Variants in ZNF217 observed in about 807,000 individuals in gnomAD.
ZNF217 encodes the protein zinc finger protein 217.
A neutral mutation model predicts 73.3 loss-of-function variants in ZNF217; 12 were observed. The ratio of observed to expected loss-of-function variants is 0.16; its 90% CI spans 0.10 to 0.27. The LOEUF (loss-of-function observed/expected upper bound fraction) is 0.27. Among genes scored for constraint, ZNF217 ranks in the 10% least tolerant of loss-of-function variants. The probability of loss-of-function intolerance (pLI) is 1.00; values close to 1 mark genes in which losing one functional copy is unlikely to be tolerated. For synonymous variants in ZNF217, 588 were observed against 516.4 expected, an observed-to-expected ratio of 1.14 and a Z score of -1.88; for missense variants, 1,195 against 1,327.8, an observed-to-expected ratio of 0.90 and a Z score of 1.55.
rs777683701 is a variant in ZNF217 at position 53,576,992 on chromosome 20, A to G, written c.1772T>C (p.Val591Ala). 16 of 1,614,088 alleles carry G rather than the reference A, an allele frequency of 9.9e-6. No individual in the cohort carries two copies. The highest frequency in any genetic ancestry group is 1.1e-5 in the South Asian group (1 of 91,078). Reference sequence around the variant, plus strand: ...AGTATCTTTGTGTGCTGGTGAGAGGACAGCGCTGCCCAGAACATTCTGAAA... The same window carrying G: ...AGTATCTTTGTGTGCTGGTGAGAGGGCAGCGCTGCCCAGAACATTCTGAAA... ...SVFQNVLGSA[V>A]LSPAHKDTQD... Residue 591 changes from valine (V) to alanine (A), a missense_variant, in exon 4 of 6, where the codon GTC becomes GCC. Around this residue, in one of 9 missense-constraint regions of ZNF217, gnomAD observed 649 missense variants for 642.8 expected, o/e 1.01. Transcript: ENST00000371471.
intron 1 of ZNF217, among the ~76,000 whole-genome samples, chr20:53,592,223 C>T (rs1341233830): frequency 6.6e-6 from 1 of 152,174 alleles, no homozygotes; most frequent in African/African-American, 2.4e-5. Flanking sequence ...CCAAACTGGC[C>T]AGTGGACCAC....
chr20:53,581,912 T>C lies in ZNF217; in HGVS notation c.915A>G (p.Gly305=). The C allele has an allele frequency of 1.2e-6, 2 of 1,614,226 alleles. No individual in the cohort carries two copies. The highest frequency in any genetic ancestry group is 2.2e-5 in the South Asian group (2 of 91,078). ...TFQAWQLATK[G]KVAICQEVKE... is the part of the protein sequence containing the mutation. The stretch of plus-strand genomic sequence containing the variant: ...TCACTTCTTGGCAAATGGCAACTTT[T>C]CCTTTGGTAGCCAGCTGCCAAGCCT... Residue 305 remains glycine, a synonymous_variant, in exon 2 of 6, where the codon GGA becomes GGG. Coordinates refer to ENST00000371471, the MANE Select transcript of ZNF217 (RefSeq NM_006526.3). This position sits in a 1 kb window ranked among gnomAD's most constrained non-coding sequence, Gnocchi z 4.9.
At chr20:53,588,221 A>C (rs1190423242) in intron 1 of ZNF217, among the ~76,000 whole-genome samples, 1 of 152,138 alleles carries the variant, frequency 6.6e-6, no homozygotes, top group East Asian at 1.9e-4. Context: ...ATTCATCTTA[A>C]ATCAGTTAAG....
chr20:53,583,184 CA>C lies in ZNF217; in HGVS notation c.-342-17del. ...TTTCCAAACCCTAGAGGAAAAAAAA[CA>C]GAAACGGTTAGCTACACTCAGAGCG... On this transcript the variant is annotated splice_polypyrimidine_tract_variant and intron_variant, in intron 1 of 5. Coordinates refer to ENST00000371471, the MANE Select transcript of ZNF217 (RefSeq NM_006526.3). 2 of 410,220 alleles carry C rather than the reference CA, an allele frequency of 4.9e-6. No individual in the cohort carries two copies. Among genetic ancestry groups the C allele is most frequent in the South Asian group, 1.0e-4 (1 of 10,026 alleles). 25.4% of individuals were successfully genotyped at this position (410,220 alleles called of 1,614,324 possible).
intron 5 of ZNF217, among the ~76,000 whole-genome samples, chr20:53,569,969 G>C (rs1987921404): frequency 1.3e-5 from 2 of 152,060 alleles, no homozygotes; most frequent in Non-Finnish European, 2.9e-5. Context: ...ATGTGAGCTG[G>C]TCCAGAGGAT....
chr20:53,571,819 G>T lies in ZNF217; in HGVS notation c.3072C>A (p.Asn1024Lys). ...KRPVSYQHLS[N>K]SMAQKRNYEN... is the part of the protein sequence containing the mutation. ...CATAGTTTCTCTTTTGTGCCATGCT[G>T]TTAGATAAGTGTTGATATGACACAG... The change falls in exon 5 of 6, where the codon AAC becomes AAA. Residue 1024 changes from asparagine to lysine, a missense_variant. Coordinates refer to ENST00000371471, the MANE Select transcript of ZNF217 (RefSeq NM_006526.3). The T allele has an allele frequency of 6.2e-7, 1 of 1,612,288 alleles. No individual in the cohort carries two copies. The highest frequency in any genetic ancestry group is 8.5e-7 in the Non-Finnish European group (1 of 1,179,348).
At position 53,569,254 on chromosome 20, in the gene ZNF217, TC is replaced by T; in HGVS notation, c.*33del. On this transcript the variant is annotated 3_prime_UTR_variant, in exon 6 of 6. Transcript: ENST00000371471. ...ATTTCATGGGGAGTAAGCACTGACATCCACCAAGACCTAAGGAAAACAACAT... is the reference window on the plus strand; with the variant it reads ...ATTTCATGGGGAGTAAGCACTGACATCACCAAGACCTAAGGAAAACAACAT... 7.4e-7 allele frequency: 1 copy of T among 1,343,816 alleles called. No individual in the cohort carries two copies. 83.2% of individuals were successfully genotyped at this position (1,343,816 alleles called of 1,614,324 possible).
chr20:53,575,429 C>T (rs1231719009), intron 4 of ZNF217: 4 of 262,610 alleles, frequency 1.5e-5, no homozygotes, highest in African/African-American at 2.2e-5. Flanking sequence ...GCTATGATTA[C>T]ACCGCTGCAC....
upstream of ZNF217, among the ~76,000 whole-genome samples, chr20:53,594,417 A>C (rs1489707711): frequency 1.4e-5 from 2 of 147,308 alleles, no homozygotes; most frequent in African/African-American, 5.1e-5. Context: ...CCACGTGACT[A>C]GCATAGGCGC....
chr20:53,582,458 G>C lies in ZNF217; in HGVS notation c.369C>G (p.Cys123Trp), dbSNP rs775106801. 3 of 1,614,014 alleles carry C rather than the reference G, an allele frequency of 1.9e-6. No homozygotes were observed. The highest frequency in any genetic ancestry group is 2.7e-5 in the African/African-American group (2 of 74,886). ...VRTEPPKEKN[C>W]KENEFSCEVC... ...CCTCACAGCTAAATTCATTTTCCTT[G>C]CAATTCTTTTCCTTGGGAGGTTCTG... is the stretch of plus-strand genomic sequence containing the variant. The change falls in exon 2 of 6, where the codon TGC (cysteine) becomes TGG (tryptophan). Residue 123 changes from cysteine to tryptophan, a missense_variant. Physicochemically the swap from Cys to Trp is radical, Grantham distance 215. Coordinates refer to ENST00000371471, the MANE Select transcript of ZNF217 (RefSeq NM_006526.3). The surrounding 1 kb of genome is among the most constrained non-coding windows in gnomAD (Gnocchi z 4.8).
intron 2 of ZNF217, among the ~76,000 whole-genome samples, chr20:53,579,220 C>G (rs1386629958): frequency 6.6e-6 from 1 of 152,158 alleles, no homozygotes; most frequent in African/African-American, 2.4e-5. Context: ...CAAACACACA[C>G]CAGCCCTCCA....
Position 53,571,701 on chromosome 20 carries a change from T to C in ZNF217, c.*23+20A>G. 1.0e-5 allele frequency: 16 copies of C among 1,604,220 alleles called. No homozygotes were observed. Among genetic ancestry groups the C allele is most frequent in the Non-Finnish European group, 1.4e-5 (16 of 1,176,126 alleles). On this transcript the variant is annotated intron_variant, in intron 5 of 5. Coordinates refer to ENST00000371471, the MANE Select transcript of ZNF217 (RefSeq NM_006526.3). The stretch of plus-strand genomic sequence containing the variant: ...CCGCACTCAGCCAATCCAGTGTTTT[T>C]AATTGAAACATATGCTCACCTTTTT...
At chr20:53,588,601 TATATATATATATATA>T (rs1170513327) in intron 1 of ZNF217, among the ~76,000 whole-genome samples, 1 of 3,048 alleles carries the variant, frequency 3.3e-4, no homozygotes, top group Non-Finnish European at 4.3e-4. Context: ...TATCTATATA[TATATATATATATATA>T]TATATATATA....
Position 53,571,860 on chromosome 20 carries a change from G to GAA in ZNF217, c.3038-9_3038-8dup, listed in dbSNP as rs139374346. 6.2e-4 allele frequency: 912 copies of GAA among 1,461,048 alleles called. No homozygotes were observed. Among genetic ancestry groups the GAA allele is most frequent in the Non-Finnish European group, 7.0e-4 (763 of 1,089,106 alleles). The allele number at this position is 1,461,048 out of a possible 1,614,324, so 90.5% of individuals were successfully genotyped here. ...TATGACACAGGCCTTTTTCCTGATTGAAAAAAAAAACATATTTAGAGTTAA... is the reference window on the plus strand; with the variant it reads ...TATGACACAGGCCTTTTTCCTGATTGAAAAAAAAAAAACATATTTAGAGTTAA... On this transcript the variant is annotated splice_polypyrimidine_tract_variant and splice_region_variant and intron_variant, in intron 4 of 5. Coordinates refer to ENST00000371471, the MANE Select transcript of ZNF217 (RefSeq NM_006526.3).
intron 4 of ZNF217, 157 bp downstream of exon 4, chr20:53,575,570 A>G: frequency 1.5e-6 from 1 of 656,858 alleles, no homozygotes; most frequent in Non-Finnish European, 2.5e-6. Flanking sequence ...ACCACAAACC[A>G]CTGCCGTATC....
Position 53,575,867 on chromosome 20 carries a change from A to T in ZNF217, c.2897T>A (p.Leu966Gln). The T allele has an allele frequency of 6.2e-7, 1 of 1,614,230 alleles. No individual in the cohort carries two copies. The highest frequency in any genetic ancestry group is 2.2e-5 in the East Asian group (1 of 44,890). ...GCTCAGGAACCTTGGTTTGGGAGGC[A>T]GCGCCTGCGACGGATACACACAGTC... ...PQDCVYPSQALPPKPRFLSSS... is the reference protein window; with the variant it reads ...PQDCVYPSQAQPPKPRFLSSS... Residue 966 changes from leucine to glutamine, a missense_variant, in exon 4 of 6, where the codon CTG becomes CAG. Transcript: ENST00000371471.
chr20:53,585,320 GA>G (rs914805892), intron 1 of ZNF217, among the ~76,000 whole-genome samples: 1 of 152,130 alleles, frequency 6.6e-6, no homozygotes, highest in Admixed American at 6.5e-5. Flanking sequence ...AATGCTTTGG[GA>G]AGCCGAAGTG....
rs1175868220 is a variant in ZNF217 at position 53,583,183 on chromosome 20, A to G, written c.-342-15T>C. ...ATTTCCAAACCCTAGAGGAAAAAAAACAGAAACGGTTAGCTACACTCAGAG... is the reference window on the plus strand; with the variant it reads ...ATTTCCAAACCCTAGAGGAAAAAAAGCAGAAACGGTTAGCTACACTCAGAG... On this transcript the variant is annotated splice_polypyrimidine_tract_variant and intron_variant, in intron 1 of 5. Coordinates refer to ENST00000371471, the MANE Select transcript of ZNF217 (RefSeq NM_006526.3). 7.3e-6 allele frequency: 3 copies of G among 410,186 alleles called. No individual in the cohort carries two copies. Among genetic ancestry groups the G allele is most frequent in the Admixed American group, 8.2e-5 (2 of 24,454 alleles). The allele number at this position is 410,186 out of a possible 1,614,324, so 25.4% of individuals were successfully genotyped here.
intron 5 of ZNF217, among the ~76,000 whole-genome samples, chr20:53,569,814 A>C (rs1246316818): frequency 6.6e-6 from 1 of 152,196 alleles, no homozygotes. Context: ...AGAATTCAGT[A>C]AAAGGCAGTT....
Sources: allele counts gnomAD v4.1 joint callset (sites outside exome capture counted in the v4.1 genomes callset), GRCh38; gene constraint gnomAD v4.1.1; regional missense constraint gnomAD v4.1.1; non-coding constraint Gnocchi (gnomAD v3.1); transcripts MANE v1.5; gene names NCBI Gene and HGNC (gene_info 2026-07-23, HGNC 2026-07-21).